COL18A1: variants seen among roughly 807,000 people sequenced by gnomAD.
The protein encoded by COL18A1 is collagen type XVIII alpha 1 chain, also known as collagen alpha-1(XVIII) chain.
COL18A1 carries 133 observed loss-of-function variants against 168.0 expected under a neutral mutation model. The ratio of observed to expected loss-of-function variants is 0.79; its 90% CI spans 0.69 to 0.91. The LOEUF (loss-of-function observed/expected upper bound fraction) is 0.91, where lower values mean the gene tolerates loss of function less well. COL18A1 is among the 40% of genes least tolerant of loss of function. The pLI is 0.00. For missense variants in COL18A1, 2,126 were observed against 1,925.4 expected (o/e 1.10, Z -1.95); for synonymous variants, 949 against 809.0 (o/e 1.17, Z -2.94).
At chr21:45,488,103 G>A (rs1446562696) in intron 17 of COL18A1, among the ~76,000 whole-genome samples, 1 of 152,232 alleles carries the variant, frequency 6.6e-6, no homozygotes, top group Non-Finnish European at 1.5e-5. Context: ...CGGGGCCACA[G>A]CCCTGCCCAA....
chr21:45,472,559 C>G (rs1026384506), intron 3 of COL18A1, among the ~76,000 whole-genome samples: 2 of 152,170 alleles, frequency 1.3e-5, no homozygotes. Flanking sequence ...TGGGCCTGAC[C>G]TGGGGGCTCC....
At chr21:45,509,220 C>A in intron 38 of COL18A1, 136 bp from the exon 39 acceptor site, 2 of 1,241,042 alleles carry the variant, frequency 1.6e-6, no homozygotes, top group Non-Finnish European at 1.1e-6. Flanking sequence ...CAGGGCAGCC[C>A]CAGAGTCGGG....
intron 2 of COL18A1, chr21:45,456,958 C>T (rs1360597849): frequency 1.7e-6 from 2 of 1,180,650 alleles, no homozygotes; most frequent in African/African-American, 1.6e-5. Context: ...TGACGTGAGC[C>T]TGGTACAGGT....
At chr21:45,467,699 T>C (rs1222505451) in intron 2 of COL18A1, among the ~76,000 whole-genome samples, 1 of 151,840 alleles carries the variant, frequency 6.6e-6, no homozygotes, top group African/African-American at 2.4e-5. Flanking sequence ...GGTGGAACTG[T>C]GGCTTCACAG....
At chr21:45,444,846 GAA>G (rs2034471244) in intron 2 of COL18A1, among the ~76,000 whole-genome samples, 2 of 152,064 alleles carry the variant, frequency 1.3e-5, no homozygotes, top group South Asian at 4.1e-4. Flanking sequence ...ATTTATAAGA[GAA>G]AAACTTTCAT....
intron 4 of COL18A1, among the ~76,000 whole-genome samples, chr21:45,474,208 C>T (rs1235747880): frequency 3.9e-5 from 6 of 152,004 alleles, no homozygotes; most frequent in Non-Finnish European, 8.8e-5. Flanking sequence ...AACCACCCTC[C>T]ATGGCAGCTG....
chr21:45,511,055 CACA>C (rs2037575035), intron 40 of COL18A1, 53 bp from the exon 41 acceptor site: 2 of 655,652 alleles, frequency 3.1e-6, no homozygotes, highest in African/African-American at 2.8e-5. Context: ...CACAAACACC[CACA>C]CCCATCCACA....
rs766346331 is a variant in COL18A1 at position 45,487,608 on chromosome 21, G to A, written c.1896+99G>A. 63 of 1,497,516 alleles carry A rather than the reference G, an allele frequency of 4.2e-5. 1 individual carries two copies. The South Asian group carries it at 5.3e-4, about 13-fold the overall frequency. The allele number at this position is 1,497,516 out of a possible 1,614,324, so 92.8% of individuals were successfully genotyped here. On this transcript the variant is annotated intron_variant, in intron 17 of 41. Transcript: ENST00000651438. ...AGAGCCACCGGCCTTGCATGGGATC[G>A]GAAGCCGCCCTGCAGAGCCGTGAGG...
intron 2 of COL18A1, among the ~76,000 whole-genome samples, chr21:45,430,058 A>T (rs561686372): frequency 9.9e-6 from 1 of 101,274 alleles, no homozygotes; most frequent in African/African-American, 4.6e-5. Flanking sequence ...CCTCTCCAGC[A>T]TGTGAAGTGG....
rs190083327 is a variant in COL18A1, at chr21:45,468,285, C to T, written c.150C>T (p.Asp50=). ...EEVGLLQLLG[D]PPPQQVTQTD... ...TGGGGCTGCTGCAGCTCCTTGGGGACCCCCCGCCCCAGCAGGTCACCCAGA... is the reference window on the plus strand; with the variant it reads ...TGGGGCTGCTGCAGCTCCTTGGGGATCCCCCGCCCCAGCAGGTCACCCAGA... The change falls in exon 3 of 42, where the codon GAC becomes GAT. Residue 50 remains aspartate (D), a synonymous_variant. Coordinates refer to ENST00000651438, the MANE Select transcript of COL18A1 (RefSeq NM_001379500.1). The T allele has an allele frequency of 8.7e-6, 14 of 1,612,898 alleles. No homozygotes were observed. The highest frequency in any genetic ancestry group is 6.6e-5 in the South Asian group (6 of 91,082).
chr21:45,454,395 C>T (rs911205303), intron 2 of COL18A1, among the ~76,000 whole-genome samples: 1 of 152,150 alleles, frequency 6.6e-6, no homozygotes, highest in African/African-American at 2.4e-5. Context: ...CCCAGCCGCA[C>T]AGCCTGGAGG....
intron 2 of COL18A1, among the ~76,000 whole-genome samples, chr21:45,449,252 C>T (rs1391726438): frequency 2.0e-5 from 3 of 152,200 alleles, no homozygotes; most frequent in African/African-American, 7.2e-5. Context: ...ACATGGGCTT[C>T]CAGCTGCCGC....
At chr21:45,408,007 C>T (rs186214935) in intron 2 of COL18A1, 90 of 152,368 alleles carry the variant, frequency 5.9e-4, no homozygotes, top group African/African-American at 1.7e-3. Context: ...TCTGGGCTCA[C>T]CCACTGGGGA....
chr21:45,450,363 C>A (rs945031344), intron 2 of COL18A1, among the ~76,000 whole-genome samples: 1 of 152,118 alleles, frequency 6.6e-6, no homozygotes, highest in East Asian at 1.9e-4. Flanking sequence ...GGGAGACCCG[C>A]GGAGAGGCAG....
At chr21:45,446,191 C>T (rs985392315) in intron 2 of COL18A1, among the ~76,000 whole-genome samples, 1 of 152,176 alleles carries the variant, frequency 6.6e-6, no homozygotes, top group Non-Finnish European at 1.5e-5. Flanking sequence ...GCTGCTCTTT[C>T]CTCACTGAAC....
Position 45,482,788 on chromosome 21 carries a change from C to T in COL18A1, c.1675-7C>T, listed in dbSNP as rs374650058. The T allele has an allele frequency of 1.6e-4, 257 of 1,614,110 alleles. No homozygotes were observed. Among genetic ancestry groups the T allele is most frequent in the Middle Eastern group, 4.9e-4 (3 of 6,084 alleles). On this transcript the variant is annotated splice_polypyrimidine_tract_variant and splice_region_variant and intron_variant, in intron 14 of 41. Transcript: ENST00000651438. ...ATTTTGTCATAATCCTGCTCTTTTCCGTACAGGGTGAAGCAGGCGCCCCAG... is the reference window on the plus strand; with the variant it reads ...ATTTTGTCATAATCCTGCTCTTTTCTGTACAGGGTGAAGCAGGCGCCCCAG...
At chr21:45,458,481 A>G (rs993494866) in intron 2 of COL18A1, among the ~76,000 whole-genome samples, 1 of 152,106 alleles carries the variant, frequency 6.6e-6, no homozygotes. Flanking sequence ...CACTGCCACA[A>G]GCAGCCAGAT....
intron 2 of COL18A1, among the ~76,000 whole-genome samples, chr21:45,412,563 G>A (rs1310610536): frequency 6.6e-6 from 1 of 152,206 alleles, no homozygotes; most frequent in African/African-American, 2.4e-5. Context: ...TTCTTAATGT[G>A]TGGAGTTGTT....
chr21:45,478,480 G>T, intron 9 of COL18A1, 127 bp downstream of exon 9: 1 of 1,264,940 alleles, frequency 7.9e-7, no homozygotes, highest in Non-Finnish European at 1.2e-6. Context: ...AAACCATTTT[G>T]AAAGTGGAAT....
Sources: allele counts gnomAD v4.1 joint callset (sites outside exome capture counted in the v4.1 genomes callset), GRCh38; gene constraint gnomAD v4.1.1; transcripts MANE v1.5; gene names NCBI Gene and HGNC (gene_info 2026-07-23, HGNC 2026-07-21).